GZMA: variants seen among roughly 807,000 people sequenced by gnomAD.
The protein encoded by GZMA is granzyme A.
A neutral mutation model predicts 21.1 loss-of-function variants in GZMA; 17 were observed. The ratio of observed to expected loss-of-function variants is 0.81; its 90% CI spans 0.55 to 1.21. GZMA has a LOEUF of 1.21. GZMA is among the 50% of genes most tolerant of loss of function. GZMA has a pLI of 0.00. For missense variants in GZMA, 306 were observed against 315.9 expected (o/e 0.97, Z 0.24); for synonymous variants, 90 against 107.8 (o/e 0.83, Z 1.03).
chr5:55,109,939 A>T, intron 4 of GZMA, 82 bp from the exon 5 acceptor site: 1 of 1,040,680 alleles, frequency 9.6e-7, no homozygotes, highest in Non-Finnish European at 1.3e-6. Flanking sequence ...ACTGCATATT[A>T]AATGCTGCAG....
Position 55,110,159 on chromosome 5 carries a change from A to G in GZMA, c.766A>G (p.Met256Val), listed in dbSNP as rs758105354. Residue 256 changes from methionine (M) to valine (V), a missense_variant, in exon 5 of 5, where the codon ATG becomes GTG. Coordinates refer to ENST00000274306, the MANE Select transcript of GZMA (RefSeq NM_006144.4). ...AAAGAAACACCTCAACTGGATAATT[A>G]TGACTATCAAGGGAGCAGTTTAAAT... ...LSKKHLNWII[M>V]TIKGAV 7 of 1,604,434 alleles carry G rather than the reference A, an allele frequency of 4.4e-6. No individual in the cohort carries two copies. The South Asian group carries it at 7.8e-5, about 18-fold the overall frequency.
chr5:55,103,570 G>T (rs1043803993), intron 1 of GZMA, among the ~76,000 whole-genome samples: 31 of 152,166 alleles, frequency 2.0e-4, no homozygotes, highest in Admixed American at 1.6e-3. Context: ...GATTTCCCTT[G>T]AAGAACCTGC....
At chr5:55,109,447 T>C (rs529961076) in intron 4 of GZMA, among the ~76,000 whole-genome samples, 3 of 152,320 alleles carry the variant, frequency 2.0e-5, no homozygotes, top group East Asian at 3.9e-4. Flanking sequence ...GAATTGGCTA[T>C]TGATGAATTA....
In GZMA at chr5:55,108,236, C is replaced by CA. The variant is rs1491547908; in HGVS notation, c.470dup (p.His157GlnfsTer3). 13 of 1,613,774 alleles carry CA rather than the reference C, an allele frequency of 8.1e-6. No homozygotes were observed. The Admixed American group carries it at 1.5e-4, about 19-fold the overall frequency. On this transcript the variant is annotated frameshift_variant, in exon 4 of 5. Transcript: ENST00000274306. LOFTEE classifies it high-confidence loss of function. ...CCAAGTTGCAGGGTGGGGCAGGACT[C>CA]ACAATAGTGCATCTTGGTCCGATAC...
chr5:55,103,489 A>T (rs1371146483), intron 1 of GZMA, among the ~76,000 whole-genome samples: 1 of 152,196 alleles, frequency 6.6e-6, no homozygotes, highest in African/African-American at 2.4e-5. Flanking sequence ...TGAGTTGAGC[A>T]TGCATGGGTT....
intron 1 of GZMA, among the ~76,000 whole-genome samples, chr5:55,104,979 G>A (rs1303117182): frequency 6.6e-6 from 1 of 152,208 alleles, no homozygotes; most frequent in Non-Finnish European, 1.5e-5. Flanking sequence ...GGACTGAGGG[G>A]TAGGGTCACA....
chr5:55,105,715 G>A, intron 2 of GZMA, 97 bp downstream of exon 2: 1 of 1,079,922 alleles, frequency 9.3e-7, no homozygotes, highest in Non-Finnish European at 1.4e-6. Context: ...GCTTACACCT[G>A]TAATCCCAGC....
At chr5:55,108,037 A>G (rs1190158858) in intron 3 of GZMA, 88 bp from the exon 4 acceptor site, 2 of 1,402,308 alleles carry the variant, frequency 1.4e-6, no homozygotes, top group Non-Finnish European at 9.9e-7. Flanking sequence ...AAAACTCACA[A>G]TAAAGAGGAT....
intron 4 of GZMA, among the ~76,000 whole-genome samples, chr5:55,109,493 G>T (rs888149587): frequency 1.3e-5 from 2 of 152,216 alleles, no homozygotes; most frequent in African/African-American, 2.4e-5. Flanking sequence ...GCCAGTTACT[G>T]TAACAGGCAG....
At chr5:55,105,170 T>C (rs1467793787) in intron 1 of GZMA, among the ~76,000 whole-genome samples, 1 of 152,182 alleles carries the variant, frequency 6.6e-6, no homozygotes, top group East Asian at 1.9e-4. Context: ...CTGTTGATGG[T>C]AAAGACCAAG....
Position 55,102,747 on chromosome 5 carries a change from C to T in GZMA, c.65C>T (p.Pro22Leu), listed in dbSNP as rs1685910179. The T allele has an allele frequency of 6.3e-7, 1 of 1,591,644 alleles. No homozygotes were observed. The highest frequency in any genetic ancestry group is 1.3e-5 in the African/African-American group (1 of 74,612). ...LSVVVSLLLI[P>L]EDVCEKIIGG... ...GTTGTCGTTTCTCTCCTGCTAATTC[C>T]TGAAGGTAAGACTGATTCTTCTCAT... Residue 22 changes from proline (P) to leucine (L), a missense_variant, in exon 1 of 5, where the codon CCT (proline) becomes CTT (leucine). By Grantham distance (98) the Pro-to-Leu change is moderately conservative. Transcript: ENST00000274306.
intron 3 of GZMA, 26 bp downstream of exon 3, chr5:55,107,961 A>ACAGGGG: frequency 6.2e-7 from 1 of 1,604,214 alleles, no homozygotes; most frequent in Non-Finnish European, 8.5e-7. Context: ...TGTCTTCTCA[A>ACAGGGG]AAGTCATAGA....
intron 1 of GZMA, among the ~76,000 whole-genome samples, chr5:55,104,459 T>C (rs1742351206): frequency 6.6e-6 from 1 of 152,220 alleles, no homozygotes; most frequent in African/African-American, 2.4e-5. Flanking sequence ...CCACATTTCA[T>C]GTGGTCACTC....
At chr5:55,106,721 C>T (rs1033582858) in intron 2 of GZMA, among the ~76,000 whole-genome samples, 3 of 152,184 alleles carry the variant, frequency 2.0e-5, no homozygotes, top group Non-Finnish European at 4.4e-5. Flanking sequence ...TCACTCCTGT[C>T]GACCACTACA....
chr5:55,109,501 C>T (rs1742466714), intron 4 of GZMA, among the ~76,000 whole-genome samples: 1 of 152,200 alleles, frequency 6.6e-6, no homozygotes, highest in Admixed American at 6.5e-5. Context: ...CTGTAACAGG[C>T]AGGGGAAATA....
At chr5:55,104,491 T>C (rs1283864761) in intron 1 of GZMA, among the ~76,000 whole-genome samples, 2 of 152,188 alleles carry the variant, frequency 1.3e-5, no homozygotes, top group African/African-American at 2.4e-5. Flanking sequence ...CTTACCCTCA[T>C]CAAATCTTAC....
rs372399591 is a variant in GZMA at position 55,102,755 on chromosome 5, A to G, written c.70+3A>G. ...TTCTCTCCTGCTAATTCCTGAAGGT[A>G]AGACTGATTCTTCTCATTTCCATTA... On this transcript the variant is annotated splice_donor_region_variant and intron_variant, in intron 1 of 4. Transcript: ENST00000274306. 1 of 1,578,738 alleles carries G rather than the reference A, an allele frequency of 6.3e-7. No homozygotes were observed. Among genetic ancestry groups the G allele is most frequent in the Non-Finnish European group, 8.7e-7 (1 of 1,147,814 alleles).
rs138700916 is a variant in GZMA at position 55,107,343 on chromosome 5, C to G, written c.216-451C>G. ...GGGCAATCTGTTTCTGAAAGTTTTC[C>G]CATTTGAGTTTGTTGTTTTCTTGAA... On this transcript the variant is annotated intron_variant, in intron 2 of 4. Coordinates refer to ENST00000274306, the MANE Select transcript of GZMA (RefSeq NM_006144.4). 3.5e-3 allele frequency among the ~76,000 whole-genome samples: 528 copies of G among 152,270 alleles called. 3 individuals carry two copies. Among genetic ancestry groups the G allele is most frequent in the African/African-American group, 0.012 (494 of 41,556 alleles).
At position 55,105,511 on chromosome 5, in the gene GZMA, T is replaced by C; in HGVS notation, c.108T>C (p.Thr36=). The stretch of plus-strand genomic sequence containing the variant: ...AAATTATTGGAGGAAATGAAGTAAC[T>C]CCTCATTCAAGACCCTACATGGTCC... ...CEKIIGGNEV[T]PHSRPYMVLL... is the part of the protein sequence containing the mutation. The change falls in exon 2 of 5, where the codon ACT becomes ACC. Residue 36 remains threonine, a synonymous_variant. Coordinates refer to ENST00000274306, the MANE Select transcript of GZMA (RefSeq NM_006144.4). 2 of 1,610,612 alleles carry C rather than the reference T, an allele frequency of 1.2e-6. No individual in the cohort carries two copies. The highest frequency in any genetic ancestry group is 1.7e-6 in the Non-Finnish European group (2 of 1,177,034).
Sources: allele counts gnomAD v4.1 joint callset (sites outside exome capture counted in the v4.1 genomes callset), GRCh38; gene constraint gnomAD v4.1.1; transcripts MANE v1.5; gene names NCBI Gene and HGNC (gene_info 2026-07-23, HGNC 2026-07-21).